DLG2: variants seen among roughly 807,000 people sequenced by gnomAD.
DLG2 encodes discs large MAGUK scaffold protein 2, also known as disks large homolog 2.
Under a neutral mutation model 132.5 loss-of-function variants are expected in DLG2, and 45 were observed. That is an observed-to-expected ratio of 0.34 (90% CI 0.27 to 0.44). DLG2 has a LOEUF of 0.44. Ranked by LOEUF, DLG2 falls within the 20% of genes least tolerant of loss-of-function variation. The probability of loss-of-function intolerance (pLI) is 1.00; values close to 1 mark genes in which losing one functional copy is unlikely to be tolerated. For missense variants in DLG2, 1,045 were observed against 1,196.9 expected (o/e 0.87, Z 1.87); for synonymous variants, 424 against 419.6 (o/e 1.01, Z -0.13).
At chr11:83,521,529 A>G (rs1354410425) in intron 21 of DLG2, among the ~76,000 whole-genome samples, 1 of 152,188 alleles carries the variant, frequency 6.6e-6, no homozygotes. Flanking sequence ...TTACCAGGTA[A>G]GGCAAATGTG....
chr11:84,166,222 G>A (rs1345230105), intron 8 of DLG2, among the ~76,000 whole-genome samples: 2 of 152,080 alleles, frequency 1.3e-5, no homozygotes, highest in East Asian at 1.9e-4. Context: ...ACCCCCCCAG[G>A]GCTGGGCGCA....
chr11:83,650,252 G>A (rs1018940193), intron 18 of DLG2, among the ~76,000 whole-genome samples: 11 of 152,158 alleles, frequency 7.2e-5, no homozygotes, highest in African/African-American at 2.4e-4. Context: ...GTTTTGAGAT[G>A]GGGAGATTTT....
chr11:85,354,272 TA>T (rs1362364402), intron 3 of DLG2, among the ~76,000 whole-genome samples: 1 of 152,132 alleles, frequency 6.6e-6, no homozygotes, highest in Non-Finnish European at 1.5e-5. Flanking sequence ...TGATATAAAT[TA>T]AAACTAACTT....
At chr11:84,569,987 T>G (rs2099474509) in intron 6 of DLG2, among the ~76,000 whole-genome samples, 1 of 152,210 alleles carries the variant, frequency 6.6e-6, no homozygotes, top group Non-Finnish European at 1.5e-5. Flanking sequence ...ATTTGTGTTC[T>G]CAGTTATGGG....
intron 6 of DLG2, among the ~76,000 whole-genome samples, chr11:84,811,849 T>C (rs1290532091): frequency 1.3e-5 from 2 of 152,180 alleles, no homozygotes; most frequent in African/African-American, 4.8e-5. Flanking sequence ...GGCAGATTCT[T>C]CAAAACTGTC....
chr11:85,606,187 G>A (rs1203706351), intron 2 of DLG2, among the ~76,000 whole-genome samples: 12 of 152,114 alleles, frequency 7.9e-5, no homozygotes, highest in Non-Finnish European at 1.5e-4. Context: ...ATTAAAACAA[G>A]CAATAACAAT....
chr11:84,951,591 T>C (rs911335987), intron 6 of DLG2, among the ~76,000 whole-genome samples: 5 of 150,702 alleles, frequency 3.3e-5, no homozygotes, highest in South Asian at 4.2e-4. Flanking sequence ...AATACATACA[T>C]ATATATATAC....
chr11:85,104,810 T>G (rs1283306069), intron 6 of DLG2, among the ~76,000 whole-genome samples: 1 of 135,886 alleles, frequency 7.4e-6, no homozygotes, highest in Non-Finnish European at 1.5e-5. Context: ...CAAACACTCA[T>G]AGGAAGAATG....
At chr11:84,541,370 G>T (rs78126017) in intron 6 of DLG2, among the ~76,000 whole-genome samples, 12 of 151,648 alleles carry the variant, frequency 7.9e-5, no homozygotes, top group African/African-American at 2.9e-4. Context: ...CCCCGTCCCC[G>T]TTCTGAAGCT....
intron 6 of DLG2, among the ~76,000 whole-genome samples, chr11:84,655,021 C>A (rs564316870): frequency 6.6e-6 from 1 of 152,282 alleles, no homozygotes; most frequent in Admixed American, 6.5e-5. Context: ...TGTTTTATAG[C>A]ATTTCTGAAT....
chr11:84,482,895 T>C (rs1211749521), intron 7 of DLG2, among the ~76,000 whole-genome samples: 1 of 152,154 alleles, frequency 6.6e-6, no homozygotes, highest in Non-Finnish European at 1.5e-5. Flanking sequence ...AATGAGTAAA[T>C]TCCTTCTCTG....
At chr11:84,155,235 C>T (rs2095405111) in intron 9 of DLG2, among the ~76,000 whole-genome samples, 2 of 152,126 alleles carry the variant, frequency 1.3e-5, no homozygotes, top group Non-Finnish European at 2.9e-5. Context: ...CTGGGTTTCA[C>T]CAGCAATGTA....
At chr11:85,090,231 A>T (rs1052420539) in intron 6 of DLG2, among the ~76,000 whole-genome samples, 1 of 152,094 alleles carries the variant, frequency 6.6e-6, no homozygotes, top group Admixed American at 6.6e-5. Context: ...AAACAAAAAC[A>T]CTGTAGAGTG....
intron 3 of DLG2, among the ~76,000 whole-genome samples, chr11:85,332,425 C>G (rs111936558): frequency 2.0e-5 from 3 of 151,650 alleles, no homozygotes; most frequent in African/African-American, 2.4e-5. Flanking sequence ...TGTCTACTCT[C>G]TATGGGTCCT....
At chr11:83,606,949 A>C (rs1199359713) in intron 19 of DLG2, among the ~76,000 whole-genome samples, 1 of 152,218 alleles carries the variant, frequency 6.6e-6, no homozygotes, top group Non-Finnish European at 1.5e-5. Context: ...AGAAAAAGAA[A>C]AAAAAATTCA....
At chr11:84,282,585 G>A (rs1599017301) in intron 7 of DLG2, among the ~76,000 whole-genome samples, 1 of 152,228 alleles carries the variant, frequency 6.6e-6, no homozygotes, top group East Asian at 1.9e-4. Flanking sequence ...CTTATCATAA[G>A]TGATAAGCAC....
At chr11:84,821,505 T>C (rs966831986) in intron 6 of DLG2, among the ~76,000 whole-genome samples, 5 of 151,764 alleles carry the variant, frequency 3.3e-5, no homozygotes, top group Admixed American at 6.6e-5. Flanking sequence ...AATATTATTT[T>C]AGATTGTTTT....
chr11:84,851,526 GA>G (rs1415115052), intron 6 of DLG2, among the ~76,000 whole-genome samples: 18 of 151,964 alleles, frequency 1.2e-4, no homozygotes, highest in Admixed American at 8.5e-4. Flanking sequence ...TTTCTGCCCT[GA>G]AGAAAGATGA....
intron 9 of DLG2, among the ~76,000 whole-genome samples, chr11:84,145,080 T>C (rs2095025100): frequency 6.6e-6 from 1 of 152,200 alleles, no homozygotes; most frequent in East Asian, 1.9e-4. Context: ...CCAAATCTCC[T>C]TAGCCACCCA....
Sources: gnomAD v4.1 joint callset for allele counts (sites outside exome capture counted in the v4.1 genomes callset) on GRCh38, gnomAD v4.1.1 for gene constraint, MANE v1.5 for transcripts, NCBI Gene and HGNC (gene_info 2026-07-23, HGNC 2026-07-21) for gene names.